Variants in TMEM45B observed in about 807,000 individuals in gnomAD.
TMEM45B encodes the protein transmembrane protein 45B.
TMEM45B carries 29 observed loss-of-function variants against 27.3 expected under a neutral mutation model. That is an observed-to-expected ratio of 1.06 (90% CI 0.79 to 1.45). The LOEUF is 1.45. Among genes scored for constraint, TMEM45B ranks in the 40% most tolerant of loss-of-function variants. The pLI, the probability that TMEM45B is intolerant of heterozygous loss-of-function variation, is 0.00. For missense variants in TMEM45B, 348 were observed against 343.9 expected (o/e 1.01, Z -0.09); for synonymous variants, 143 against 134.7 (o/e 1.06, Z -0.43).
chr11:129,852,468 T>G lies in TMEM45B; in HGVS notation c.-8-7T>G. ...AGCCACCTAACAGCCTTCCCCTAAT[T>G]TTTTAGGTGTCCTGATGGCAAATTT... On this transcript the variant is annotated splice_region_variant and splice_polypyrimidine_tract_variant and intron_variant, in intron 1 of 5. Transcript: ENST00000281441. 2 of 1,580,876 alleles carry G rather than the reference T, an allele frequency of 1.3e-6. No individual in the cohort carries two copies. Among genetic ancestry groups the G allele is most frequent in the Non-Finnish European group, 1.7e-6 (2 of 1,154,746 alleles).
At chr11:129,820,718 C>T (rs1020771388) in intron 1 of TMEM45B, among the ~76,000 whole-genome samples, 1 of 151,566 alleles carries the variant, frequency 6.6e-6, no homozygotes, top group African/African-American at 2.4e-5. Flanking sequence ...TTTTGCCTCA[C>T]TCCTCTTGAG....
Position 129,815,859 on chromosome 11 carries a change from G to T in TMEM45B, c.-48G>T. On this transcript the variant is annotated 5_prime_UTR_variant, in exon 1 of 6. Coordinates refer to ENST00000281441, the MANE Select transcript of TMEM45B (RefSeq NM_138788.5). The stretch of plus-strand genomic sequence containing the variant: ...GCTTCTGGGCGGACGCACTTGGCGC[G>T]CGGCGCGGGCTGCAGACGGCTGCGA... 1 of 1,309,130 alleles carries T rather than the reference G, an allele frequency of 7.6e-7. No homozygotes were observed. The highest frequency in any genetic ancestry group is 9.6e-7 in the Non-Finnish European group (1 of 1,037,320). The allele number at this position is 1,309,130 out of a possible 1,614,324, so 81.1% of individuals were successfully genotyped here.
intron 3 of TMEM45B, among the ~76,000 whole-genome samples, chr11:129,855,237 A>T (rs1300367324): frequency 6.6e-6 from 1 of 151,782 alleles, no homozygotes; most frequent in East Asian, 1.9e-4. Context: ...ACCACACTCT[A>T]CCTTTTGCCC....
chr11:129,815,904 ACGTC>A lies in TMEM45B; in HGVS notation c.-9+10_-9+13del. ...CTGCGAGGCGCTGGGCACAGGTCAG[ACGTC>A]CGTACCCGCAGGGGGCTCGAACCTG... On this transcript the variant is annotated splice_region_variant and intron_variant, in intron 1 of 5. Coordinates refer to ENST00000281441, the MANE Select transcript of TMEM45B (RefSeq NM_138788.5). 3.1e-6 allele frequency: 4 copies of A among 1,280,168 alleles called. No individual in the cohort carries two copies. Among genetic ancestry groups the A allele is most frequent in the Non-Finnish European group, 2.9e-6 (3 of 1,019,278 alleles). 79.3% of individuals were successfully genotyped at this position (1,280,168 alleles called of 1,614,324 possible). A position where few individuals can be genotyped will look rare whatever the true frequency, so the allele number is the denominator to read the frequency against.
chr11:129,844,070 C>CA (rs917167776), intron 1 of TMEM45B, among the ~76,000 whole-genome samples: 13 of 150,906 alleles, frequency 8.6e-5, no homozygotes, highest in African/African-American at 2.0e-4. Flanking sequence ...GATGAATGGA[C>CA]AAAAAAAATG....
chr11:129,855,737 C>A lies in TMEM45B; in HGVS notation c.415C>A (p.Arg139=). 1.2e-6 allele frequency: 2 copies of A among 1,614,156 alleles called. No homozygotes were observed. The highest frequency in any genetic ancestry group is 1.3e-5 in the African/African-American group (1 of 75,036). ...GFLFYYHVHN[R]PPLDQHIHSL... Reference sequence around the variant, plus strand: ...CCTCTTCTACTACCACGTCCACAACCGGCCTCCGCTGGACCAGCACATCCA... The same window carrying A: ...CCTCTTCTACTACCACGTCCACAACAGGCCTCCGCTGGACCAGCACATCCA... The change falls in exon 4 of 6, where the codon CGG becomes AGG. Residue 139 remains arginine, a synonymous_variant. Coordinates refer to ENST00000281441, the MANE Select transcript of TMEM45B (RefSeq NM_138788.5).
intron 5 of TMEM45B, among the ~76,000 whole-genome samples, chr11:129,858,116 G>T (rs1156784854): frequency 9.9e-5 from 15 of 152,160 alleles, no homozygotes; most frequent in African/African-American, 3.6e-4. Context: ...GCCTCTCAGT[G>T]CAAGGGTGAA....
intron 1 of TMEM45B, among the ~76,000 whole-genome samples, chr11:129,842,655 T>C (rs1947709963): frequency 6.6e-6 from 1 of 152,120 alleles, no homozygotes; most frequent in East Asian, 1.9e-4. Flanking sequence ...TAAAGGTGGA[T>C]GAAAGATTTA....
chr11:129,821,352 A>G (rs980310465), intron 1 of TMEM45B, among the ~76,000 whole-genome samples: 3 of 152,142 alleles, frequency 2.0e-5, no homozygotes, highest in Non-Finnish European at 4.4e-5. Flanking sequence ...TTTTCCAAGC[A>G]CATCTGAAAA....
At chr11:129,823,869 A>C (rs189857304) in intron 1 of TMEM45B, among the ~76,000 whole-genome samples, 1 of 152,178 alleles carries the variant, frequency 6.6e-6, no homozygotes, top group East Asian at 1.9e-4. Context: ...CTCATGTTCC[A>C]TCCCTTGACT....
chr11:129,855,935 A>G, intron 4 of TMEM45B, 43 bp downstream of exon 4: 2 of 1,604,422 alleles, frequency 1.2e-6, no homozygotes, highest in Non-Finnish European at 1.7e-6. Flanking sequence ...TGGATGGAGA[A>G]GCCCCCACCG....
At chr11:129,835,988 C>T (rs1316779193) in intron 1 of TMEM45B, among the ~76,000 whole-genome samples, 2 of 152,090 alleles carry the variant, frequency 1.3e-5, no homozygotes, top group African/African-American at 4.8e-5. Flanking sequence ...CATGGTGGCT[C>T]ATGCCTGTAA....
At chr11:129,852,805 CG>C (rs1809718111) in intron 2 of TMEM45B, 145 bp downstream of exon 2, 8 of 790,886 alleles carry the variant, frequency 1.0e-5, no homozygotes, top group Non-Finnish European at 1.6e-5. Flanking sequence ...ACTATTTTAT[CG>C]TAACATCCAT....
At chr11:129,826,505 C>T (rs1413490427) in intron 1 of TMEM45B, among the ~76,000 whole-genome samples, 21 of 138,212 alleles carry the variant, frequency 1.5e-4, no homozygotes, top group East Asian at 2.3e-4. Context: ...GCCGAGATGG[C>T]GCCACTGCAC....
chr11:129,838,725 G>C (rs533188300), intron 1 of TMEM45B, among the ~76,000 whole-genome samples: 16 of 152,248 alleles, frequency 1.1e-4, no homozygotes, highest in African/African-American at 3.6e-4. Context: ...GGAGACATTT[G>C]CTTTAACTCT....
rs540571669 is a variant in TMEM45B at position 129,831,880 on chromosome 11, A to AT, written c.-9+15983dup. ...CACCAGTTCAAGATCAGCCTGGCCA[A>AT]TATGGTGAAACCCCATCTCTATTAT... is the stretch of plus-strand genomic sequence containing the variant. On this transcript the variant is annotated intron_variant, in intron 1 of 5. Transcript: ENST00000281441. Among the ~76,000 whole-genome samples the AT allele has an allele frequency of 4.9e-3, 741 of 152,070 alleles. 2 individuals carry two copies. Among genetic ancestry groups the AT allele is most frequent in the African/African-American group, 0.017 (691 of 41,468 alleles).
intron 1 of TMEM45B, among the ~76,000 whole-genome samples, chr11:129,840,604 T>G (rs1947677102): frequency 6.6e-6 from 1 of 152,088 alleles, no homozygotes; most frequent in Admixed American, 6.6e-5. Context: ...GAAAGCGGGC[T>G]GGGCACAGTG....
chr11:129,847,827 C>G (rs1278046164), intron 1 of TMEM45B, among the ~76,000 whole-genome samples: 3 of 152,068 alleles, frequency 2.0e-5, no homozygotes, highest in African/African-American at 7.2e-5. Context: ...TCAATCTTTT[C>G]CCCACCTTTC....
chr11:129,855,461 C>T (rs938805824), intron 3 of TMEM45B, among the ~76,000 whole-genome samples: 3 of 152,208 alleles, frequency 2.0e-5, no homozygotes, highest in African/African-American at 7.2e-5. Context: ...CAGCAACATG[C>T]TTCAGCCGGC....
Sources: allele counts gnomAD v4.1 joint callset (sites outside exome capture counted in the v4.1 genomes callset), GRCh38; gene constraint gnomAD v4.1.1; transcripts MANE v1.5; gene names NCBI Gene and HGNC (gene_info 2026-07-23, HGNC 2026-07-21).